TTLL9: variants seen among roughly 807,000 people sequenced by gnomAD.
TTLL9 encodes the protein tubulin tyrosine ligase like 9.
In TTLL9, 47 loss-of-function variants were observed where a neutral mutation model predicts 65.6. The ratio of observed to expected loss-of-function variants is 0.72; its 90% CI spans 0.57 to 0.91. The LOEUF (loss-of-function observed/expected upper bound fraction) is 0.91, where lower values mean the gene tolerates loss of function less well. TTLL9 is among the 40% of genes least tolerant of loss of function. The pLI, the probability that TTLL9 is intolerant of heterozygous loss-of-function variation, is 0.00. For synonymous variants in TTLL9, 179 were observed against 204.8 expected, an observed-to-expected ratio of 0.87 and a Z score of 1.07; for missense variants, 537 against 568.8, an observed-to-expected ratio of 0.94 and a Z score of 0.57.
chr20:31,929,722 T>C (rs532983248), intron 10 of TTLL9, among the ~76,000 whole-genome samples: 1 of 152,326 alleles, frequency 6.6e-6, no homozygotes. Flanking sequence ...AAGGAACATA[T>C]TTCTTCATAA....
At chr20:31,908,424 A>G (rs968749734) in intron 4 of TTLL9, among the ~76,000 whole-genome samples, 167 bp from the exon 5 acceptor site, 1 of 152,122 alleles carries the variant, frequency 6.6e-6, no homozygotes, top group African/African-American at 2.4e-5. Context: ...CTCTGGTCTA[A>G]CAAAGCACAT....
intron 2 of TTLL9, among the ~76,000 whole-genome samples, chr20:31,873,719 AAAG>A (rs2062979233): frequency 6.8e-6 from 1 of 146,950 alleles, no homozygotes; most frequent in Non-Finnish European, 1.5e-5. Flanking sequence ...AGAAAGAAAG[AAAG>A]AAAGAAAGAA....
chr20:31,898,408 C>T lies in TTLL9; in HGVS notation c.114-65C>T. On this transcript the variant is annotated intron_variant, in intron 3 of 14. Coordinates refer to ENST00000535842, the MANE Select transcript of TTLL9 (RefSeq NM_001008409.5). ...CTTGACTTCTCTTCCTCCTTTTTTCCTCTCCTTGCGCCATCCTAGGAAAAT... is the reference window on the plus strand; with the variant it reads ...CTTGACTTCTCTTCCTCCTTTTTTCTTCTCCTTGCGCCATCCTAGGAAAAT... The T allele has an allele frequency of 1.3e-5, 19 of 1,435,684 alleles. No homozygotes were observed. In the Middle Eastern group the frequency reaches 5.3e-4, roughly 40 times the overall value. The allele number at this position is 1,435,684 out of a possible 1,614,324, so 88.9% of individuals were successfully genotyped here.
intron 8 of TTLL9, 25 bp from the exon 9 acceptor site, chr20:31,924,984 A>G: frequency 8.7e-6 from 14 of 1,613,714 alleles, no homozygotes; most frequent in Non-Finnish European, 1.1e-5. Flanking sequence ...TTGTTGCACA[A>G]ATTAATTTTT....
chr20:31,921,273 A>G lies in TTLL9; in HGVS notation c.573+1341A>G, dbSNP rs185575616. Among the ~76,000 whole-genome samples the G allele has an allele frequency of 3.4e-4, 52 of 152,352 alleles. 1 individual carries two copies. The East Asian group carries it at 9.5e-3, about 28-fold the overall frequency. ...AAATGCAAATCAAAACCACAATGAGATACCATCTCACACCAGTTAGAATGG... is the reference window on the plus strand; with the variant it reads ...AAATGCAAATCAAAACCACAATGAGGTACCATCTCACACCAGTTAGAATGG... On this transcript the variant is annotated intron_variant, in intron 7 of 14. Coordinates refer to ENST00000535842, the MANE Select transcript of TTLL9 (RefSeq NM_001008409.5).
chr20:31,883,698 A>T (rs1244105645), intron 2 of TTLL9, among the ~76,000 whole-genome samples: 1 of 152,184 alleles, frequency 6.6e-6, no homozygotes, highest in African/African-American at 2.4e-5. Flanking sequence ...ATAATTGCAT[A>T]ATTACATAAG....
At chr20:31,908,270 G>A (rs577186064) in intron 4 of TTLL9, among the ~76,000 whole-genome samples, 1 of 152,216 alleles carries the variant, frequency 6.6e-6, no homozygotes, top group East Asian at 1.9e-4. Flanking sequence ...CATGGGGACT[G>A]TGGTTTGAGG....
At chr20:31,941,567 AT>A (rs147485348) in intron 14 of TTLL9, among the ~76,000 whole-genome samples, 2 of 150,002 alleles carry the variant, frequency 1.3e-5, no homozygotes, top group East Asian at 4.0e-4. Context: ...TTTTTTTATT[AT>A]TTTTTTTTGA....
intron 12 of TTLL9, among the ~76,000 whole-genome samples, chr20:31,937,008 G>T (rs1162893806): frequency 6.7e-6 from 1 of 150,026 alleles, no homozygotes; most frequent in African/African-American, 2.5e-5. Context: ...TGAGGCAGGA[G>T]AATCACTTGA....
At chr20:31,880,351 C>T (rs1311905025) in intron 2 of TTLL9, among the ~76,000 whole-genome samples, 2 of 152,188 alleles carry the variant, frequency 1.3e-5, no homozygotes, top group African/African-American at 2.4e-5. Context: ...AAGCTCAGTG[C>T]CGGCCAAGGG....
intron 14 of TTLL9, among the ~76,000 whole-genome samples, chr20:31,941,504 T>G (rs979276642): frequency 7.2e-5 from 11 of 152,066 alleles, no homozygotes; most frequent in African/African-American, 1.9e-4. Flanking sequence ...ATCAGTAGCT[T>G]TTAAAGCTCC....
Position 31,870,779 on chromosome 20 carries a change from C to T in TTLL9, c.-176C>T, listed in dbSNP as rs968602159. ...TGGGGGGATGTCGCCTAGAGCCCCC[C>T]GGCCGGCCCACAAACTCCCGTCCCC... On this transcript the variant is annotated 5_prime_UTR_variant, in exon 1 of 15. Coordinates refer to ENST00000535842, the MANE Select transcript of TTLL9 (RefSeq NM_001008409.5). The surrounding 1 kb of genome is among the most constrained non-coding windows in gnomAD (Gnocchi z 6.6). 8.1e-6 allele frequency: 4 copies of T among 491,796 alleles called. No homozygotes were observed. Among genetic ancestry groups the T allele is most frequent in the African/African-American group, 2.0e-5 (1 of 49,742 alleles). 30.5% of individuals were successfully genotyped at this position (491,796 alleles called of 1,614,324 possible).
At chr20:31,893,451 T>C (rs1201053347) in intron 3 of TTLL9, among the ~76,000 whole-genome samples, 1 of 151,996 alleles carries the variant, frequency 6.6e-6, no homozygotes, top group Admixed American at 6.6e-5. Context: ...CCACTACGCC[T>C]GGCTAATTTT....
At chr20:31,877,184 T>G (rs1052423689) in intron 2 of TTLL9, among the ~76,000 whole-genome samples, 1 of 152,168 alleles carries the variant, frequency 6.6e-6, no homozygotes, top group Admixed American at 6.6e-5. Context: ...ATTTACCATG[T>G]CTTTTGTGCA....
chr20:31,894,590 G>A (rs2063355756), intron 3 of TTLL9, among the ~76,000 whole-genome samples: 1 of 151,874 alleles, frequency 6.6e-6, no homozygotes, highest in Admixed American at 6.6e-5. Flanking sequence ...TATTGCATGT[G>A]TTATATTTTT....
In TTLL9 at chr20:31,900,171, T is replaced by C. The variant is rs181239976; in HGVS notation, c.206+1606T>C. Among the ~76,000 whole-genome samples the C allele has an allele frequency of 3.0e-3, 451 of 152,346 alleles. 3 individuals are homozygous for C. The highest frequency in any genetic ancestry group is 1.0e-2 in the African/African-American group (414 of 41,578). Reference sequence around the variant, plus strand: ...GGGGAAAAGGGATAGGAGGGGTAGCTGCCCTGCTGCGTGGTGCTCAGGAAA... The same window carrying C: ...GGGGAAAAGGGATAGGAGGGGTAGCCGCCCTGCTGCGTGGTGCTCAGGAAA... On this transcript the variant is annotated intron_variant, in intron 4 of 14. Transcript: ENST00000535842.
chr20:31,935,262 A>G (rs1361204043), intron 12 of TTLL9, among the ~76,000 whole-genome samples: 3 of 152,168 alleles, frequency 2.0e-5, no homozygotes, highest in Non-Finnish European at 1.5e-5. Flanking sequence ...ATATTGTTAC[A>G]ATGTCGATCT....
chr20:31,895,329 C>T (rs1460982792), intron 3 of TTLL9, among the ~76,000 whole-genome samples: 2 of 152,066 alleles, frequency 1.3e-5, no homozygotes, highest in African/African-American at 4.8e-5. Context: ...TCTTGTTAGG[C>T]CCTTGCAGTT....
intron 14 of TTLL9, 24 bp downstream of exon 14, chr20:31,939,290 G>T (rs369577506): frequency 7.4e-5 from 120 of 1,612,248 alleles, no homozygotes; most frequent in Non-Finnish European, 9.8e-5. Context: ...GGTGGGGAGT[G>T]GGCACAAGGG....
Sources: allele counts gnomAD v4.1 joint callset (sites outside exome capture counted in the v4.1 genomes callset), GRCh38; gene constraint gnomAD v4.1.1; non-coding constraint Gnocchi (gnomAD v3.1); transcripts MANE v1.5; gene names NCBI Gene and HGNC (gene_info 2026-07-23, HGNC 2026-07-21).